Variants in RALYL observed in about 807,000 individuals in gnomAD.
The protein encoded by RALYL is RNA-binding Raly-like protein.
In RALYL, 29 loss-of-function variants were observed where a neutral mutation model predicts 35.1. That is an observed-to-expected ratio of 0.83 (90% confidence interval 0.61 to 1.13). The LOEUF (loss-of-function observed/expected upper bound fraction) is 1.13. Ranked by LOEUF, RALYL falls within the 50% of genes most tolerant of loss-of-function variation. The pLI is 0.00. For synonymous variants in RALYL, 120 were observed against 127.6 expected, an observed-to-expected ratio of 0.94 and a Z score of 0.40; for missense variants, 359 against 360.4, an observed-to-expected ratio of 1.00 and a Z score of 0.03.
intron 5 of RALYL, among the ~76,000 whole-genome samples, chr8:84,858,844 C>T (rs910720242): frequency 1.3e-5 from 2 of 152,150 alleles, no homozygotes; most frequent in African/African-American, 4.8e-5. Context: ...ATTAGGACAA[C>T]ATCCAGTCTT....
intron 1 of RALYL, among the ~76,000 whole-genome samples, chr8:84,418,465 G>A (rs2045011653): frequency 6.6e-6 from 1 of 152,084 alleles, no homozygotes; most frequent in Non-Finnish European, 1.5e-5. Flanking sequence ...ATTAGAATTA[G>A]TTTAGCAGGA....
chr8:84,280,713 A>G (rs1271056690), intron 1 of RALYL, among the ~76,000 whole-genome samples: 1 of 150,922 alleles, frequency 6.6e-6, no homozygotes, highest in African/African-American at 2.4e-5. Flanking sequence ...TACCCAACAA[A>G]GTACATATAT....
chr8:84,880,419 C>A (rs1042537105), intron 7 of RALYL, among the ~76,000 whole-genome samples: 1 of 152,024 alleles, frequency 6.6e-6, no homozygotes, highest in African/African-American at 2.4e-5. Context: ...TCCTCACTTT[C>A]CTACCTAGAT....
intron 1 of RALYL, among the ~76,000 whole-genome samples, chr8:84,261,155 A>C (rs1832213355): frequency 6.7e-6 from 1 of 150,296 alleles, no homozygotes; most frequent in Admixed American, 6.6e-5. Flanking sequence ...AGTTTTATTC[A>C]GGTGGAATTA....
chr8:84,623,924 T>C (rs964605961), intron 2 of RALYL, among the ~76,000 whole-genome samples: 5 of 152,116 alleles, frequency 3.3e-5, no homozygotes, highest in Non-Finnish European at 7.4e-5. Flanking sequence ...CCTAGGTACA[T>C]GAGGTTGGTA....
At chr8:84,558,921 G>C (rs1237901451) in intron 2 of RALYL, among the ~76,000 whole-genome samples, 1 of 152,006 alleles carries the variant, frequency 6.6e-6, no homozygotes, top group Non-Finnish European at 1.5e-5. Flanking sequence ...ACTGTACCGA[G>C]TCTGTGAAGG....
intron 2 of RALYL, among the ~76,000 whole-genome samples, chr8:84,598,405 ACT>A (rs756201923): frequency 1.3e-5 from 2 of 151,940 alleles, no homozygotes; most frequent in Non-Finnish European, 2.9e-5. Context: ...CTCCAGGGAA[ACT>A]CTGTAGACCT....
In RALYL at chr8:84,704,480, C is replaced by CACACACA. The variant is rs145150857; in HGVS notation, c.257-70096_257-70095insCACAACA. On this transcript the variant is annotated intron_variant, in intron 2 of 8. Coordinates refer to ENST00000521268, the MANE Select transcript of RALYL (RefSeq NM_173848.7). ...ACACACACACACACACACACACACA[C>CACACACA]ACAACAACTCATTTATTCCACAAAT... Among the ~76,000 whole-genome samples the CACACACA allele has an allele frequency of 7.7e-3, 1,069 of 139,572 alleles. 15 individuals are homozygous for CACACACA. The highest frequency in any genetic ancestry group is 0.028 in the African/African-American group (948 of 34,432). The allele number at this position is 139,572 out of a possible 152,430, so 91.6% of individuals were successfully genotyped here.
chr8:84,740,352 CAGG>C (rs1848054925), intron 2 of RALYL, among the ~76,000 whole-genome samples: 1 of 151,692 alleles, frequency 6.6e-6, no homozygotes, highest in Non-Finnish European at 1.5e-5. Context: ...TGTTAAAGGT[CAGG>C]AGAAGAAAAG....
chr8:84,265,670 A>T (rs1833162031), intron 1 of RALYL, among the ~76,000 whole-genome samples: 1 of 146,802 alleles, frequency 6.8e-6, no homozygotes, highest in Non-Finnish European at 1.6e-5. Flanking sequence ...AAAATAAAAA[A>T]CTTGGATTGT....
intron 1 of RALYL, among the ~76,000 whole-genome samples, chr8:84,406,121 TG>T (rs1037451175): frequency 7.9e-5 from 12 of 151,594 alleles, no homozygotes; most frequent in Admixed American, 2.0e-4. Context: ...ATTCTAAATA[TG>T]GAGCATAGTA....
chr8:84,799,722 C>T (rs554069930), intron 3 of RALYL, among the ~76,000 whole-genome samples: 8 of 152,260 alleles, frequency 5.3e-5, no homozygotes, highest in East Asian at 1.9e-4. Flanking sequence ...TTTGGGAGGC[C>T]GAGGCAGGCG....
chr8:84,682,461 A>G (rs964341954), intron 2 of RALYL, among the ~76,000 whole-genome samples: 1 of 152,180 alleles, frequency 6.6e-6, no homozygotes, highest in Non-Finnish European at 1.5e-5. Context: ...CTGCGAATCC[A>G]TCTGGTCCTG....
intron 1 of RALYL, among the ~76,000 whole-genome samples, chr8:84,321,987 A>C (rs564478488): frequency 6.6e-6 from 1 of 152,118 alleles, no homozygotes; most frequent in South Asian, 2.1e-4. Context: ...AACCCTAAAC[A>C]TGCATGTACC....
chr8:84,435,419 G>T (rs2047607139), intron 1 of RALYL, among the ~76,000 whole-genome samples: 1 of 151,978 alleles, frequency 6.6e-6, no homozygotes, highest in Non-Finnish European at 1.5e-5. Flanking sequence ...TAAATATATT[G>T]ATTCAGATCA....
chr8:84,264,078 C>T (rs1832824410), intron 1 of RALYL, among the ~76,000 whole-genome samples: 1 of 152,120 alleles, frequency 6.6e-6, no homozygotes, highest in South Asian at 2.1e-4. Context: ...TGAACATATG[C>T]ATGCATGTAT....
intron 1 of RALYL, among the ~76,000 whole-genome samples, chr8:84,301,908 A>G (rs370520270): frequency 2.0e-5 from 3 of 152,194 alleles, no homozygotes; most frequent in African/African-American, 7.2e-5. Context: ...ACCCATTGGA[A>G]GCAATTTGGA....
chr8:84,505,578 G>T (rs950453109), intron 1 of RALYL, among the ~76,000 whole-genome samples: 2 of 151,954 alleles, frequency 1.3e-5, no homozygotes, highest in African/African-American at 4.8e-5. Context: ...TTGATTTTAG[G>T]TTCAGGGGAT....
chr8:84,584,381 G>A (rs1811519253), intron 2 of RALYL, among the ~76,000 whole-genome samples: 1 of 152,126 alleles, frequency 6.6e-6, no homozygotes, highest in East Asian at 1.9e-4. Context: ...GAGGCAAGTG[G>A]ATCACGTGGT....
Sources: gnomAD v4.1 joint callset for allele counts (sites outside exome capture counted in the v4.1 genomes callset) on GRCh38, gnomAD v4.1.1 for gene constraint, MANE v1.5 for transcripts, NCBI Gene and HGNC (gene_info 2026-07-23, HGNC 2026-07-21) for gene names.